Variants in LDHB observed in about 807,000 individuals in gnomAD.
LDHB encodes the protein lactate dehydrogenase B.
LDHB carries 18 observed loss-of-function variants against 33.4 expected under a neutral mutation model. The ratio of observed to expected loss-of-function variants is 0.54; its 90% CI spans 0.37 to 0.80. The LOEUF is 0.80. Among genes scored for constraint, LDHB ranks in the 30% least tolerant of loss-of-function variants. The pLI is 0.00. For missense variants in LDHB, 345 were observed against 407.9 expected (o/e 0.85, Z 1.33); for synonymous variants, 121 against 140.6 (o/e 0.86, Z 0.98).
rs1323972730 is a variant in LDHB at position 21,638,334 on chromosome 12, C to T, written c.713+19G>A. The T allele has an allele frequency of 3.2e-6, 4 of 1,254,412 alleles. No homozygotes were observed. In the South Asian group the frequency reaches 4.8e-5, roughly 15 times the overall value. 77.7% of individuals were successfully genotyped at this position (1,254,412 alleles called of 1,614,324 possible). A position where few individuals can be genotyped will look rare whatever the true frequency, so the allele number is the denominator to read the frequency against. ...AGAGTTGAAATTAATCATCTAAAAT[C>T]AAGTTCCCTTTCACTTACCTTTCAA... On this transcript the variant is annotated intron_variant, in intron 6 of 7. Coordinates refer to ENST00000350669, the MANE Select transcript of LDHB (RefSeq NM_002300.8).
intron 2 of LDHB, among the ~76,000 whole-genome samples, chr12:21,652,316 A>G (rs1938714608): frequency 6.6e-6 from 1 of 152,228 alleles, no homozygotes; most frequent in African/African-American, 2.4e-5. Context: ...CCCTGGGTTC[A>G]AAATACAGCT....
intron 3 of LDHB, among the ~76,000 whole-genome samples, chr12:21,644,446 C>CAA (rs374761135): frequency 9.2e-6 from 1 of 108,844 alleles, no homozygotes; most frequent in African/African-American, 3.4e-5. Flanking sequence ...AAAAAAAAAA[C>CAA]AAAAACAAAA....
intron 2 of LDHB, among the ~76,000 whole-genome samples, chr12:21,649,086 C>T (rs1274142989): frequency 6.6e-6 from 1 of 152,174 alleles, no homozygotes; most frequent in African/African-American, 2.4e-5. Flanking sequence ...ATTAATGCAA[C>T]ATAACTTAAT....
In LDHB at chr12:21,653,345, G is replaced by A. The variant is rs189734315; in HGVS notation, c.129+1198C>T. ...CAGGGGTCCCCAACACCCAGGTCAC[G>A]AGCCAGTACTGAATCTAGAGAATCT... On this transcript the variant is annotated intron_variant, in intron 2 of 7. Coordinates refer to ENST00000350669, the MANE Select transcript of LDHB (RefSeq NM_002300.8). Among the ~76,000 whole-genome samples the A allele has an allele frequency of 9.9e-5, 15 of 152,234 alleles. No individual in the cohort carries two copies. The East Asian group carries it at 1.4e-3, about 14-fold the overall frequency.
chr12:21,653,643 C>CAT lies in LDHB; in HGVS notation c.129+898_129+899dup, dbSNP rs748447085. Among the ~76,000 whole-genome samples, 329 of 124,908 alleles carry CAT rather than the reference C, an allele frequency of 2.6e-3. 2 individuals carry two copies. Among genetic ancestry groups the CAT allele is most frequent in the Admixed American group, 6.7e-3 (71 of 10,522 alleles). 81.9% of individuals were successfully genotyped at this position (124,908 alleles called of 152,430 possible). ...CTATAAATCTACCTATGAACATACA[C>CAT]ATATATATATATACACATATATGTA... On this transcript the variant is annotated intron_variant, in intron 2 of 7. Transcript: ENST00000350669.
At chr12:21,647,046 C>A (rs1210166687) in intron 2 of LDHB, 30 bp from the exon 3 acceptor site, 35 of 1,324,974 alleles carry the variant, frequency 2.6e-5, no homozygotes, top group Non-Finnish European at 3.4e-5. Flanking sequence ...CATTAGAACC[C>A]TAAGCCACTC....
At chr12:21,657,680 C>T (rs1430730312) in intron 1 of LDHB, 71 bp downstream of exon 1, 1 of 152,452 alleles carries the variant, frequency 6.6e-6, no homozygotes, top group Non-Finnish European at 1.5e-5. Flanking sequence ...TCTCCCCATA[C>T]AAGTACTACC....
In LDHB at chr12:21,638,232, T is replaced by G. The variant is rs1455796533; in HGVS notation, c.713+121A>C. 7.2e-6 allele frequency: 5 copies of G among 695,960 alleles called. No individual in the cohort carries two copies. The East Asian group carries it at 1.3e-4, about 18-fold the overall frequency. 43.1% of individuals were successfully genotyped at this position (695,960 alleles called of 1,614,324 possible). ...TAAAAGTCTTATCAGTTTCAAAAGA[T>G]AACAGCTGCATAATTACTACATTAA... On this transcript the variant is annotated intron_variant, in intron 6 of 7. Transcript: ENST00000350669.
chr12:21,642,410 T>C (rs1051158199), intron 4 of LDHB, among the ~76,000 whole-genome samples: 15 of 152,074 alleles, frequency 9.9e-5, no homozygotes, highest in African/African-American at 3.6e-4. Context: ...TTAAGAACCT[T>C]GCAGATTAAT....
chr12:21,640,824 T>A (rs139686641), intron 5 of LDHB, among the ~76,000 whole-genome samples: 1 of 151,332 alleles, frequency 6.6e-6, no homozygotes. Flanking sequence ...TGCTCAAAAA[T>A]GATGGGACAT....
chr12:21,654,716 A>T, intron 1 of LDHB, 39 bp from the exon 2 acceptor site: 1 of 1,519,674 alleles, frequency 6.6e-7, no homozygotes, highest in Non-Finnish European at 9.1e-7. Context: ...GTATATCTGC[A>T]TATGAAATCC....
At chr12:21,652,979 CA>C in intron 2 of LDHB, among the ~76,000 whole-genome samples, 1 of 152,278 alleles carries the variant, frequency 6.6e-6, no homozygotes, top group South Asian at 2.1e-4. Context: ...GCAGCCTTTA[CA>C]TATGATACAA....
At chr12:21,648,583 T>A (rs575510607) in intron 2 of LDHB, among the ~76,000 whole-genome samples, 2 of 151,862 alleles carry the variant, frequency 1.3e-5, no homozygotes, top group African/African-American at 4.8e-5. Flanking sequence ...AGGAAGCACT[T>A]TGAAGAATAA....
chr12:21,648,521 G>C (rs1043732386), intron 2 of LDHB, among the ~76,000 whole-genome samples: 1 of 86,250 alleles, frequency 1.2e-5, no homozygotes, highest in Non-Finnish European at 2.4e-5. Flanking sequence ...AGCTACACAG[G>C]TGAAGGGTAT....
Position 21,654,613 on chromosome 12 carries a change from G to A in LDHB, c.59C>T (p.Pro20Leu), listed in dbSNP as rs969989239. 1 of 1,613,964 alleles carries A rather than the reference G, an allele frequency of 6.2e-7. No homozygotes were observed. Among genetic ancestry groups the A allele is most frequent in the Admixed American group, 1.7e-5 (1 of 60,018 alleles). ...APVAEEEATV[P>L]NNKITVVGVG... is the part of the protein sequence containing the mutation. ...ACCCACTACAGTGATCTTATTGTTT[G>A]GAACTGTTGCCTCTTCTTCCGCAAC... Residue 20 changes from proline (P) to leucine (L), a missense_variant, in exon 2 of 8, where the codon CCA becomes CTA. Pro to Leu is a moderately conservative substitution (Grantham distance 98). Transcript: ENST00000350669.
At chr12:21,646,873 T>A (rs1229495976) in intron 3 of LDHB, 26 bp downstream of exon 3, 1 of 1,310,574 alleles carries the variant, frequency 7.6e-7, no homozygotes, top group East Asian at 2.3e-5. Context: ...AAATATTAGA[T>A]CACTTTGGGC....
chr12:21,639,964 C>T (rs1938325144), intron 5 of LDHB, among the ~76,000 whole-genome samples: 1 of 151,904 alleles, frequency 6.6e-6, no homozygotes, highest in South Asian at 2.1e-4. Context: ...CCAAGATAAA[C>T]CCTTTACTAA....
At chr12:21,637,799 T>C (rs1396675420) in intron 6 of LDHB, among the ~76,000 whole-genome samples, 2 of 152,016 alleles carry the variant, frequency 1.3e-5, no homozygotes, top group Non-Finnish European at 2.9e-5. Context: ...GGGTGAGCCA[T>C]AGTTTTCTCA....
In LDHB at chr12:21,638,533, CT is replaced by C; in HGVS notation, c.596-64del. 5 of 1,157,936 alleles carry C rather than the reference CT, an allele frequency of 4.3e-6. No individual in the cohort carries two copies. In the South Asian group the frequency reaches 6.3e-5, roughly 15 times the overall value. The allele number at this position is 1,157,936 out of a possible 1,614,324, so 71.7% of individuals were successfully genotyped here. On this transcript the variant is annotated intron_variant, in intron 5 of 7. Transcript: ENST00000350669. ...CTTACATTATTTTAAAAAATATTTTCTTCTTTTAGTGCAATTTCACCTATGA... is the reference window on the plus strand; with the variant it reads ...CTTACATTATTTTAAAAAATATTTTCTCTTTTAGTGCAATTTCACCTATGA...
Sources: allele counts gnomAD v4.1 joint callset (sites outside exome capture counted in the v4.1 genomes callset), GRCh38; gene constraint gnomAD v4.1.1; transcripts MANE v1.5; gene names NCBI Gene and HGNC (gene_info 2026-07-23, HGNC 2026-07-21).